The following SGCZ variants were observed in gnomAD, a reference collection of about 807,000 sequenced individuals.
SGCZ encodes zeta-sarcoglycan.
SGCZ carries 40 observed loss-of-function variants against 41.3 expected under a neutral mutation model. The observed-to-expected ratio is 0.97, with a 90% CI of 0.75 to 1.26. The LOEUF is 1.26. Ranked by LOEUF, SGCZ falls within the 50% of genes most tolerant of loss-of-function variation. SGCZ has a pLI of 0.00. For synonymous variants in SGCZ, 206 were observed against 137.5 expected, an observed-to-expected ratio of 1.50 and a Z score of -3.49; for missense variants, 552 against 369.8, an observed-to-expected ratio of 1.49 and a Z score of -4.04.
intron 3 of SGCZ, among the ~76,000 whole-genome samples, chr8:14,287,407 C>G (rs1003811358): frequency 6.6e-6 from 1 of 151,428 alleles, no homozygotes; most frequent in Non-Finnish European, 1.5e-5. Flanking sequence ...TAAGACTCTA[C>G]AAAGACACAT....
chr8:14,394,816 G>A (rs902835771), intron 2 of SGCZ, among the ~76,000 whole-genome samples: 1 of 152,156 alleles, frequency 6.6e-6, no homozygotes, highest in African/African-American at 2.4e-5. Context: ...TGAACATATT[G>A]TGTCTAAGTT....
At chr8:14,784,577 T>G (rs1585257425) in intron 1 of SGCZ, among the ~76,000 whole-genome samples, 1 of 152,062 alleles carries the variant, frequency 6.6e-6, no homozygotes, top group East Asian at 1.9e-4. Context: ...CATATGAAAC[T>G]CCTTAGACAA....
intron 3 of SGCZ, among the ~76,000 whole-genome samples, chr8:14,245,890 C>T (rs1799068955): frequency 6.6e-6 from 1 of 152,146 alleles, no homozygotes; most frequent in African/African-American, 2.4e-5. Context: ...ATCAAAACCA[C>T]CATGAGATAC....
At chr8:14,944,973 G>C (rs937464866) in intron 1 of SGCZ, among the ~76,000 whole-genome samples, 5 of 152,144 alleles carry the variant, frequency 3.3e-5, no homozygotes, top group African/African-American at 1.2e-4. Flanking sequence ...CCTGCAGTAT[G>C]TGCCATCATA....
intron 1 of SGCZ, among the ~76,000 whole-genome samples, chr8:15,097,866 GTATATATATATATATACGTGTGTATA>G (rs1563124045): frequency 0.04 from 2,770 of 68,458 alleles, 248 homozygotes; most frequent in African/African-American, 0.15. Flanking sequence ...ACGTGTGTGT[GTATATATATATATATACGTGTGTATA>G]TATATATATA....
chr8:14,281,434 C>T (rs1002592737), intron 3 of SGCZ, among the ~76,000 whole-genome samples: 13 of 148,074 alleles, frequency 8.8e-5, no homozygotes, highest in Non-Finnish European at 1.5e-4. Flanking sequence ...TATTTGTATC[C>T]ACTAAGGTAG....
chr8:15,026,621 C>T (rs1482824714), intron 1 of SGCZ, among the ~76,000 whole-genome samples: 3 of 152,112 alleles, frequency 2.0e-5, no homozygotes, highest in Admixed American at 6.5e-5. Context: ...ATAAAAGGGA[C>T]TCGATTGCCA....
chr8:14,314,955 G>C (rs534656043), intron 3 of SGCZ, among the ~76,000 whole-genome samples: 8 of 152,280 alleles, frequency 5.3e-5, no homozygotes, highest in Admixed American at 4.6e-4. Flanking sequence ...AAAAGGCTAA[G>C]TTCATCAAAA....
chr8:14,253,713 G>A (rs903427333), intron 3 of SGCZ, among the ~76,000 whole-genome samples: 5 of 152,024 alleles, frequency 3.3e-5, no homozygotes, highest in African/African-American at 7.2e-5. Context: ...ATTTATATAT[G>A]TAACATAAAT....
intron 1 of SGCZ, among the ~76,000 whole-genome samples, chr8:15,077,046 G>T (rs1014107806): frequency 2.0e-5 from 3 of 152,102 alleles, no homozygotes; most frequent in African/African-American, 7.2e-5. Flanking sequence ...AAAATGATTT[G>T]AACAACTTGA....
chr8:14,875,462 G>C (rs527398385), intron 1 of SGCZ, among the ~76,000 whole-genome samples: 2 of 152,146 alleles, frequency 1.3e-5, no homozygotes, highest in Non-Finnish European at 2.9e-5. Context: ...TTTATTCACA[G>C]CTTTGGATAA....
intron 1 of SGCZ, among the ~76,000 whole-genome samples, chr8:14,601,031 A>T (rs1166527548): frequency 6.7e-6 from 1 of 149,978 alleles, no homozygotes; most frequent in Non-Finnish European, 1.5e-5. Flanking sequence ...TGCATTTTAT[A>T]ATATATTTTA....
intron 2 of SGCZ, among the ~76,000 whole-genome samples, chr8:14,529,516 C>CTCCA (rs1174846804): frequency 6.6e-6 from 1 of 152,150 alleles, no homozygotes; most frequent in African/African-American, 2.4e-5. Context: ...TGGTAGTGAA[C>CTCCA]TCCAGTAAGA....
chr8:14,986,075 TA>T (rs1410139914), intron 1 of SGCZ, among the ~76,000 whole-genome samples: 5 of 152,090 alleles, frequency 3.3e-5, no homozygotes, highest in Admixed American at 2.0e-4. Flanking sequence ...ACACTAAATA[TA>T]TGAACAATAT....
At chr8:14,655,080 T>C (rs1807522141) in intron 1 of SGCZ, among the ~76,000 whole-genome samples, 1 of 152,134 alleles carries the variant, frequency 6.6e-6, no homozygotes, top group Non-Finnish European at 1.5e-5. Flanking sequence ...TTCAAAAATG[T>C]GTAAATATTG....
At chr8:14,675,644 G>C (rs1510449) in intron 1 of SGCZ, among the ~76,000 whole-genome samples, 83,127 of 151,908 alleles carry the variant, frequency 0.55, 24,114 homozygotes, top group East Asian at 0.76. Flanking sequence ...GAAAAAATGT[G>C]ATGAGCAAAA....
chr8:15,190,138 C>G (rs1289702168), intron 1 of SGCZ, among the ~76,000 whole-genome samples: 1 of 152,164 alleles, frequency 6.6e-6, no homozygotes, highest in Non-Finnish European at 1.5e-5. Context: ...AAATTCTCCT[C>G]TGTACACTCA....
chr8:14,727,133 A>G (rs1328521358), intron 1 of SGCZ, among the ~76,000 whole-genome samples: 3 of 152,148 alleles, frequency 2.0e-5, no homozygotes, highest in Admixed American at 6.5e-5. Flanking sequence ...AACAAATCAA[A>G]TAATATAAGT....
At chr8:14,154,599 T>G (rs1010070947) in intron 5 of SGCZ, among the ~76,000 whole-genome samples, 5 of 152,214 alleles carry the variant, frequency 3.3e-5, no homozygotes, top group African/African-American at 1.2e-4. Flanking sequence ...GTGCATAATT[T>G]TTAAAAATTG....
Sources: gnomAD v4.1 joint callset for allele counts (sites outside exome capture counted in the v4.1 genomes callset) on GRCh38, gnomAD v4.1.1 for gene constraint, MANE v1.5 for transcripts, NCBI Gene and HGNC (gene_info 2026-07-23, HGNC 2026-07-21) for gene names.